The following LRCH3 variants were observed in gnomAD, a reference collection of about 807,000 sequenced individuals.
The protein encoded by LRCH3 is leucine rich repeats and calponin homology domain containing 3.
In LRCH3, 68 loss-of-function variants were observed where a neutral mutation model predicts 104.5. The ratio of observed to expected loss-of-function variants is 0.65; its 90% CI spans 0.54 to 0.80. LRCH3 has a LOEUF of 0.80. LRCH3 is among the 30% of genes least tolerant of loss of function. The probability of loss-of-function intolerance (pLI) is 0.00; values close to 1 mark genes in which losing one functional copy is unlikely to be tolerated. For synonymous variants in LRCH3, 344 were observed against 361.3 expected (o/e 0.95, Z 0.54); for missense variants, 951 against 953.9 (o/e 1.00, Z 0.04).
chr3:197,803,979 C>T (rs71325642), intron 1 of LRCH3, among the ~76,000 whole-genome samples: 5 of 152,036 alleles, frequency 3.3e-5, no homozygotes, highest in Non-Finnish European at 5.9e-5. Flanking sequence ...GAAAAGGGAC[C>T]GGGTGTGGTG....
At chr3:197,837,712 G>A (rs532519462) in intron 9 of LRCH3, among the ~76,000 whole-genome samples, 8 of 151,212 alleles carry the variant, frequency 5.3e-5, no homozygotes, top group South Asian at 4.2e-4. Flanking sequence ...TGAAAATTTC[G>A]TGTGCCTCTT....
At position 197,852,542 on chromosome 3, in the gene LRCH3, G is replaced by T; in HGVS notation, c.1531-19G>T. Reference sequence around the variant, plus strand: ...GCTCTAACCAACTTCCTTTTTTGGGGGGTTTTGGGATTATACAGCAAAAAG... The same window carrying T: ...GCTCTAACCAACTTCCTTTTTTGGGTGGTTTTGGGATTATACAGCAAAAAG... On this transcript the variant is annotated intron_variant, in intron 12 of 20. Coordinates refer to ENST00000425562, the MANE Select transcript of LRCH3 (RefSeq NM_001365715.1). The T allele has an allele frequency of 6.2e-7, 1 of 1,611,624 alleles. No individual in the cohort carries two copies. Among genetic ancestry groups the T allele is most frequent in the South Asian group, 1.1e-5 (1 of 90,630 alleles).
chr3:197,825,971 A>G (rs1735160567), intron 4 of LRCH3, among the ~76,000 whole-genome samples: 2 of 152,174 alleles, frequency 1.3e-5, no homozygotes, highest in East Asian at 1.9e-4. Context: ...TTCTGAAACT[A>G]AAGATAGTCT....
intron 3 of LRCH3, 64 bp downstream of exon 3, chr3:197,817,366 A>AGTG (rs548378972): frequency 3.6e-5 from 2 of 55,284 alleles, no homozygotes; most frequent in African/African-American, 2.6e-4. Context: ...GTGTGTATAT[A>AGTG]TATATATATA....
At chr3:197,845,035 C>T (rs1738439658) in intron 10 of LRCH3, among the ~76,000 whole-genome samples, 3 of 151,970 alleles carry the variant, frequency 2.0e-5, no homozygotes, top group Non-Finnish European at 2.9e-5. Flanking sequence ...ACTGAAAGGA[C>T]GGGACGCAGA....
intron 9 of LRCH3, among the ~76,000 whole-genome samples, chr3:197,836,741 G>A (rs564800635): frequency 2.0e-5 from 3 of 152,310 alleles, no homozygotes; most frequent in East Asian, 3.9e-4. Context: ...GCCTTGGCAC[G>A]ATCTCGGCTT....
intron 4 of LRCH3, among the ~76,000 whole-genome samples, chr3:197,821,248 A>G (rs889504376): frequency 2.0e-5 from 3 of 152,186 alleles, no homozygotes; most frequent in African/African-American, 7.2e-5. Context: ...TGAATGATAA[A>G]TGGGGTGAGA....
chr3:197,826,879 G>C lies in LRCH3; in HGVS notation c.642G>C (p.Glu214Asp), dbSNP rs775125432. 1 of 1,614,076 alleles carries C rather than the reference G, an allele frequency of 6.2e-7. No individual in the cohort carries two copies. Among genetic ancestry groups the C allele is most frequent in the East Asian group, 2.2e-5 (1 of 44,884 alleles). Reference protein sequence around the residue: ...RRNHLVHLPEELAELPLIRLD... With the variant: ...RRNHLVHLPEDLAELPLIRLD... ...CATTTCCATTTTACCTTCTTGCAGA[G>C]CTGGCGGAGTTGCCTTTGATACGGT... Residue 214 changes from glutamate to aspartate, a missense_variant and splice_region_variant, in exon 5 of 21, where the codon GAG (glutamate) becomes GAC (aspartate). Glu to Asp is a conservative substitution (Grantham distance 45). Coordinates refer to ENST00000425562, the MANE Select transcript of LRCH3 (RefSeq NM_001365715.1).
rs530491816 is a variant in LRCH3, at chr3:197,835,225, C to T, written c.1103-449C>T. Among the ~76,000 whole-genome samples, 7 of 151,756 alleles carry T rather than the reference C, an allele frequency of 4.6e-5. No individual in the cohort carries two copies. In the South Asian group the frequency reaches 1.5e-3, roughly 32 times the overall value. On this transcript the variant is annotated intron_variant, in intron 8 of 20. Transcript: ENST00000425562. ...TTGAGACGGAGTCTTGCTATGTCAC[C>T]CAAGCTGGAGTGCAGTGGTACGGTC...
In LRCH3 at chr3:197,791,456, G is replaced by A. The variant is rs1730485182; in HGVS notation, c.178G>A (p.Gly60Arg). Reference protein sequence around the residue: ...DRALEEAAVTGVLSLSGRKLR... With the variant: ...DRALEEAAVTRVLSLSGRKLR... ...AGCCCTGGAGGAGGCGGCGGTCACT[G>A]GGGTGCTGAGCCTGAGCGGCCGGAA... is the stretch of plus-strand genomic sequence containing the variant. The change falls in exon 1 of 21, where the codon GGG becomes AGG. Residue 60 changes from glycine (G) to arginine (R), a missense_variant. Physicochemically the swap from Gly to Arg is moderately radical, Grantham distance 125. Transcript: ENST00000425562. The A allele has an allele frequency of 1.9e-6, 3 of 1,600,082 alleles. No homozygotes were observed. The highest frequency in any genetic ancestry group is 2.2e-5 in the South Asian group (2 of 89,046).
At chr3:197,874,926 C>T (rs1208863537) in intron 19 of LRCH3, among the ~76,000 whole-genome samples, 1 of 144,798 alleles carries the variant, frequency 6.9e-6, no homozygotes, top group Non-Finnish European at 1.5e-5. Context: ...TGCAACAGTT[C>T]TTTTTTTTTT....
intron 12 of LRCH3, among the ~76,000 whole-genome samples, chr3:197,849,035 G>A (rs904833997): frequency 6.6e-6 from 1 of 152,128 alleles, no homozygotes; most frequent in African/African-American, 2.4e-5. Context: ...AGGCCAAGGT[G>A]GGTGGATCAC....
intron 3 of LRCH3, among the ~76,000 whole-genome samples, chr3:197,818,484 C>G (rs906879635): frequency 2.0e-5 from 3 of 152,108 alleles, no homozygotes; most frequent in Non-Finnish European, 4.4e-5. Context: ...AGTTGGATCA[C>G]TTTTTCCAGG....
intron 1 of LRCH3, among the ~76,000 whole-genome samples, chr3:197,809,191 A>G (rs1328427256): frequency 6.6e-6 from 1 of 150,546 alleles, no homozygotes. Flanking sequence ...CCAGCTCCTC[A>G]GGAGACTGGG....
intron 1 of LRCH3, among the ~76,000 whole-genome samples, chr3:197,812,023 G>A (rs1400081167): frequency 6.6e-6 from 1 of 152,012 alleles, no homozygotes; most frequent in East Asian, 1.9e-4. Flanking sequence ...TTTTTAAATT[G>A]TTGTGGTAAA....
rs912304827 is a variant in LRCH3, at chr3:197,854,917, T to C, written c.1644+472T>C. On this transcript the variant is annotated intron_variant, in intron 14 of 20. Transcript: ENST00000425562. The surrounding 1 kb of genome is among the most constrained non-coding windows in gnomAD (Gnocchi z 4.5). ...AATACTTACAGCTCAAGATTATTCCTTCATGTTCACTTTTTAAACCCAAGG... is the reference window on the plus strand; with the variant it reads ...AATACTTACAGCTCAAGATTATTCCCTCATGTTCACTTTTTAAACCCAAGG... Among the ~76,000 whole-genome samples the C allele has an allele frequency of 2.6e-5, 4 of 152,226 alleles. No individual in the cohort carries two copies. Among genetic ancestry groups the C allele is most frequent in the Non-Finnish European group, 4.4e-5 (3 of 68,038 alleles).
At chr3:197,865,229 C>A (rs1004375647) in intron 15 of LRCH3, among the ~76,000 whole-genome samples, 194 bp from the exon 16 acceptor site, 1 of 152,160 alleles carries the variant, frequency 6.6e-6, no homozygotes, top group Non-Finnish European at 1.5e-5. Context: ...CTCAAGTAAT[C>A]CTCGCACCTC....
At chr3:197,874,787 G>A (rs1473711492) in intron 19 of LRCH3, among the ~76,000 whole-genome samples, 3 of 152,190 alleles carry the variant, frequency 2.0e-5, no homozygotes, top group Admixed American at 6.5e-5. Flanking sequence ...TCTCAAGTGT[G>A]GGGTGACAAA....
intron 20 of LRCH3, among the ~76,000 whole-genome samples, chr3:197,880,089 G>A (rs1161234297): frequency 6.0e-5 from 9 of 151,166 alleles, no homozygotes; most frequent in Non-Finnish European, 1.0e-4. Flanking sequence ...GGGACTACAG[G>A]CGCCCGCCAC....
Sources: gnomAD v4.1 joint callset for allele counts (sites outside exome capture counted in the v4.1 genomes callset) on GRCh38, gnomAD v4.1.1 for gene constraint, Gnocchi (gnomAD v3.1) non-coding constraint, MANE v1.5 for transcripts, NCBI Gene and HGNC (gene_info 2026-07-23, HGNC 2026-07-21) for gene names.